The following GRAMD1B variants were observed in gnomAD, a reference collection of about 807,000 sequenced individuals.
The protein encoded by GRAMD1B is protein Aster-B.
Under a neutral mutation model 99.7 loss-of-function variants are expected in GRAMD1B, and 37 were observed. That is an observed-to-expected ratio of 0.37 (90% CI 0.29 to 0.49). GRAMD1B has a LOEUF of 0.49. GRAMD1B is among the 20% of genes least tolerant of loss of function. GRAMD1B has a pLI of 0.98. For missense variants in GRAMD1B, 888 were observed against 1,009.2 expected, an observed-to-expected ratio of 0.88 and a Z score of 1.63; for synonymous variants, 427 against 387.6, an observed-to-expected ratio of 1.10 and a Z score of -1.19.
chr11:123,609,155 G>A (rs554571636), intron 12 of GRAMD1B, among the ~76,000 whole-genome samples: 7 of 152,246 alleles, frequency 4.6e-5, no homozygotes, highest in African/African-American at 1.2e-4. Context: ...TGCACGTGAC[G>A]TTATCTCATT....
At chr11:123,435,416 C>A (rs891687122) in intron 1 of GRAMD1B, 2 of 701,174 alleles carry the variant, frequency 2.9e-6, no homozygotes, top group Non-Finnish European at 5.2e-6. Flanking sequence ...TGTTTTTTTA[C>A]TTGTCACTGA....
intron 1 of GRAMD1B, among the ~76,000 whole-genome samples, chr11:123,388,849 T>C (rs1947169890): frequency 6.6e-6 from 1 of 152,198 alleles, no homozygotes; most frequent in South Asian, 2.1e-4. Flanking sequence ...CTTCCTGGCC[T>C]CCGGAACTGT....
At chr11:123,503,284 A>G (rs941976353) in intron 2 of GRAMD1B, among the ~76,000 whole-genome samples, 1 of 152,178 alleles carries the variant, frequency 6.6e-6, no homozygotes, top group African/African-American at 2.4e-5. Flanking sequence ...AGCACAGTGC[A>G]AGGGACCAGC....
In GRAMD1B at chr11:123,587,535, T is replaced by A. The variant is rs1950191559; in HGVS notation, c.684+3203T>A. 6.6e-6 allele frequency among the ~76,000 whole-genome samples: 1 copy of A among 152,180 alleles called. No homozygotes were observed. The highest frequency in any genetic ancestry group is 1.5e-5 in the Non-Finnish European group (1 of 68,022). ...CCACTGGGGCAAGAGGGGTGAAATT[T>A]ACTCCCCCTCAGCCCCCAACGGGGC... On this transcript the variant is annotated intron_variant, in intron 4 of 19. Coordinates refer to ENST00000635736, the MANE Select transcript of GRAMD1B (RefSeq NM_001387025.1). This position sits in a 1 kb window ranked among gnomAD's most constrained non-coding sequence, Gnocchi z 4.2.
intron 1 of GRAMD1B, among the ~76,000 whole-genome samples, chr11:123,417,810 G>A (rs1048021129): frequency 6.6e-6 from 1 of 152,160 alleles, no homozygotes; most frequent in African/African-American, 2.4e-5. Flanking sequence ...GGTAGTGTGT[G>A]CCTATAATTC....
At chr11:123,402,020 C>T (rs1236431927) in intron 1 of GRAMD1B, among the ~76,000 whole-genome samples, 1 of 152,190 alleles carries the variant, frequency 6.6e-6, no homozygotes, top group East Asian at 1.9e-4. Flanking sequence ...TCTGCATCCA[C>T]CTTCATCACT....
chr11:123,566,908 T>A (rs952477847), intron 2 of GRAMD1B, among the ~76,000 whole-genome samples: 2 of 152,196 alleles, frequency 1.3e-5, no homozygotes, highest in African/African-American at 4.8e-5. Flanking sequence ...CATGGAGTGC[T>A]CAGCCTGGTG....
At chr11:123,549,688 G>C (rs1222984903) in intron 2 of GRAMD1B, among the ~76,000 whole-genome samples, 1 of 152,292 alleles carries the variant, frequency 6.6e-6, no homozygotes, top group East Asian at 1.9e-4. Flanking sequence ...ACGCAGCAGT[G>C]TCATGCCATC....
intron 16 of GRAMD1B, 57 bp downstream of exon 16, chr11:123,613,715 C>A: frequency 1.5e-6 from 2 of 1,334,920 alleles, no homozygotes; most frequent in Non-Finnish European, 2.1e-6. Flanking sequence ...GAGCTGCATG[C>A]CCACACCAAG....
intron 2 of GRAMD1B, among the ~76,000 whole-genome samples, chr11:123,521,384 T>C (rs1260849448): frequency 6.6e-6 from 1 of 152,216 alleles, no homozygotes; most frequent in African/African-American, 2.4e-5. Flanking sequence ...AGAATTATCT[T>C]TCTTTTTCTC....
At chr11:123,463,723 G>T (rs1950540887) in intron 1 of GRAMD1B, among the ~76,000 whole-genome samples, 1 of 152,210 alleles carries the variant, frequency 6.6e-6, no homozygotes, top group Admixed American at 6.5e-5. Context: ...GTGTGACACA[G>T]CGCCCAATAG....
chr11:123,556,594 T>C (rs1464171341), intron 2 of GRAMD1B, among the ~76,000 whole-genome samples: 2 of 152,226 alleles, frequency 1.3e-5, no homozygotes, highest in African/African-American at 2.4e-5. Context: ...AAACCTCTTT[T>C]CCTTTAAAAA....
At chr11:123,359,508 A>C (rs770989148) in intron 1 of GRAMD1B, among the ~76,000 whole-genome samples, 1 of 152,076 alleles carries the variant, frequency 6.6e-6, no homozygotes, top group Non-Finnish European at 1.5e-5. Context: ...GTTTGCACCC[A>C]TCAGCCAACC....
chr11:123,399,559 C>T (rs1947584277), intron 1 of GRAMD1B, among the ~76,000 whole-genome samples: 1 of 152,100 alleles, frequency 6.6e-6, no homozygotes, highest in African/African-American at 2.4e-5. Flanking sequence ...CAACAGTGTG[C>T]AAGAGTTCCC....
intron 2 of GRAMD1B, among the ~76,000 whole-genome samples, chr11:123,519,630 G>A (rs1378040374): frequency 6.6e-6 from 1 of 152,234 alleles, no homozygotes; most frequent in Non-Finnish European, 1.5e-5. Context: ...GCAACTAGAG[G>A]CATGCAGCTA....
chr11:123,381,405 G>A (rs994499184), intron 1 of GRAMD1B: 1 of 154,338 alleles, frequency 6.5e-6, no homozygotes, highest in African/African-American at 2.4e-5. Flanking sequence ...AGGAGAGCTG[G>A]GTCCCAAATT....
intron 2 of GRAMD1B, among the ~76,000 whole-genome samples, chr11:123,544,489 T>C (rs181641032): frequency 8.5e-5 from 13 of 152,332 alleles, no homozygotes; most frequent in Admixed American, 1.3e-4. Flanking sequence ...CATATATGTC[T>C]CTCTTGGAGC....
At chr11:123,437,741 G>C (rs1018489094) in intron 1 of GRAMD1B, among the ~76,000 whole-genome samples, 13 of 152,208 alleles carry the variant, frequency 8.5e-5, no homozygotes, top group Non-Finnish European at 2.9e-5. Flanking sequence ...CCTAGCTGGC[G>C]TGTGGTTTGC....
chr11:123,397,363 T>C (rs922935089), intron 1 of GRAMD1B, among the ~76,000 whole-genome samples: 19 of 152,096 alleles, frequency 1.2e-4, no homozygotes, highest in Admixed American at 5.2e-4. Flanking sequence ...GCTGAGATCA[T>C]GCCATTGCAC....
Sources: gnomAD v4.1 joint callset for allele counts (sites outside exome capture counted in the v4.1 genomes callset) on GRCh38, gnomAD v4.1.1 for gene constraint, Gnocchi (gnomAD v3.1) non-coding constraint, MANE v1.5 for transcripts, NCBI Gene and HGNC (gene_info 2026-07-23, HGNC 2026-07-21) for gene names.